KCNK13: variants seen among roughly 807,000 people sequenced by gnomAD.
The protein encoded by KCNK13 is potassium two pore domain channel subfamily K member 13.
In KCNK13, 12 loss-of-function variants were observed where a neutral mutation model predicts 23.4. The ratio of observed to expected loss-of-function variants is 0.51; its 90% CI spans 0.33 to 0.83. The LOEUF is 0.83. KCNK13 is among the 40% of genes least tolerant of loss of function. The pLI, the probability that KCNK13 is intolerant of heterozygous loss-of-function variation, is 0.02. For synonymous variants in KCNK13, 231 were observed against 229.5 expected, an observed-to-expected ratio of 1.01 and a Z score of -0.06; for missense variants, 463 against 556.3, an observed-to-expected ratio of 0.83 and a Z score of 1.69.
intron 1 of KCNK13, among the ~76,000 whole-genome samples, chr14:90,106,275 T>TA (rs1432552085): frequency 1.3e-5 from 2 of 152,094 alleles, no homozygotes; most frequent in Non-Finnish European, 2.9e-5. Flanking sequence ...CACATACTAA[T>TA]ATGCAAAATA....
intron 1 of KCNK13, among the ~76,000 whole-genome samples, chr14:90,085,751 A>G (rs186332266): frequency 0.013 from 1,675 of 133,062 alleles, 23 homozygotes; most frequent in Middle Eastern, 0.034. Context: ...ATATAATTAT[A>G]TATTATATAT....
intron 1 of KCNK13, among the ~76,000 whole-genome samples, chr14:90,166,705 CAA>C (rs11406494): frequency 3.1e-4 from 34 of 110,756 alleles, no homozygotes; most frequent in East Asian, 1.2e-3. Context: ...GACTCTGTCT[CAA>C]AAAAAAAAAA....
In KCNK13 at chr14:90,062,281, C is replaced by A. The variant is rs774968932; in HGVS notation, c.76C>A (p.Leu26Ile). Residue 26 changes from leucine (L) to isoleucine (I), a missense_variant, in exon 1 of 2, where the codon CTC becomes ATC. Physicochemically the swap from Leu to Ile is conservative, Grantham distance 5. Around this residue, in one of 3 missense-constraint regions of KCNK13, gnomAD observed 153 missense variants for 153.6 expected, o/e 1.00. Transcript: ENST00000282146. The surrounding 1 kb of genome is among the most constrained non-coding windows in gnomAD (Gnocchi z 4.5). ...CGCGCGCTTTCTGCTGCTGGCCGCG[C>A]TCATCGTGCTCTACCTGCTGGGCGG... The part of the protein sequence containing the change: ...DNARFLLLAA[L>I]IVLYLLGGAA... 1 of 1,561,608 alleles carries A rather than the reference C, an allele frequency of 6.4e-7. No homozygotes were observed. Among genetic ancestry groups the A allele is most frequent in the Non-Finnish European group, 8.6e-7 (1 of 1,163,192 alleles).
At chr14:90,142,485 AT>A (rs950958674) in intron 1 of KCNK13, among the ~76,000 whole-genome samples, 3 of 150,560 alleles carry the variant, frequency 2.0e-5, no homozygotes, top group African/African-American at 4.9e-5. Context: ...TGCCCAGCTA[AT>A]TTTTTTTATT....
At chr14:90,137,366 G>A (rs930946819) in intron 1 of KCNK13, among the ~76,000 whole-genome samples, 3 of 151,856 alleles carry the variant, frequency 2.0e-5, no homozygotes, top group Non-Finnish European at 2.9e-5. Flanking sequence ...TGTCGCCCAG[G>A]CTGGAGAGCA....
chr14:90,144,664 T>G (rs111362857), intron 1 of KCNK13, among the ~76,000 whole-genome samples: 9,868 of 151,896 alleles, frequency 0.065, 417 homozygotes, highest in South Asian at 0.21. Context: ...TCTCCATGTT[T>G]GCCTGGCTGG....
At chr14:90,077,010 G>A (rs1023535058) in intron 1 of KCNK13, among the ~76,000 whole-genome samples, 5 of 151,012 alleles carry the variant, frequency 3.3e-5, no homozygotes, top group African/African-American at 4.9e-5. Context: ...TAGTAGAGAC[G>A]GGGTTTCACC....
At chr14:90,091,461 A>G (rs1889342621) in intron 1 of KCNK13, among the ~76,000 whole-genome samples, 1 of 152,242 alleles carries the variant, frequency 6.6e-6, no homozygotes, top group African/African-American at 2.4e-5. Context: ...GTCATTAAAA[A>G]TGTATCAAGT....
intron 1 of KCNK13, among the ~76,000 whole-genome samples, chr14:90,083,416 G>A (rs375709006): frequency 4.6e-5 from 7 of 152,264 alleles, no homozygotes; most frequent in African/African-American, 1.7e-4. Context: ...CTTACATTCA[G>A]GTTGTTGATC....
intron 1 of KCNK13, among the ~76,000 whole-genome samples, chr14:90,134,827 A>G (rs184460323): frequency 6.6e-6 from 1 of 152,374 alleles, no homozygotes; most frequent in African/African-American, 2.4e-5. Context: ...ATTATGGTGA[A>G]TAATAAATAT....
intron 1 of KCNK13, among the ~76,000 whole-genome samples, chr14:90,178,422 G>T (rs1191756672): frequency 6.6e-6 from 1 of 151,976 alleles, no homozygotes; most frequent in Non-Finnish European, 1.5e-5. Flanking sequence ...CTCCGGAGTA[G>T]CTGGGATTAC....
At chr14:90,124,005 C>G (rs1450687845) in intron 1 of KCNK13, among the ~76,000 whole-genome samples, 1 of 152,164 alleles carries the variant, frequency 6.6e-6, no homozygotes, top group Admixed American at 6.5e-5. Flanking sequence ...CTTGCTGATT[C>G]TAATATGTAC....
chr14:90,142,766 C>T (rs956401702), intron 1 of KCNK13, among the ~76,000 whole-genome samples: 11 of 152,318 alleles, frequency 7.2e-5, no homozygotes, highest in East Asian at 1.9e-4. Flanking sequence ...TGACAAAAGA[C>T]GGATTAAACA....
intron 1 of KCNK13, among the ~76,000 whole-genome samples, chr14:90,125,890 G>A (rs1297568874): frequency 6.6e-6 from 1 of 151,902 alleles, no homozygotes; most frequent in African/African-American, 2.4e-5. Context: ...TGGGCGTGGT[G>A]GAATGCACCT....
At chr14:90,083,782 C>T (rs748582429) in intron 1 of KCNK13, among the ~76,000 whole-genome samples, 4 of 152,192 alleles carry the variant, frequency 2.6e-5, no homozygotes, top group East Asian at 1.9e-4. Context: ...GCCCAGTCTG[C>T]GGTATTTTGT....
chr14:90,164,930 T>C (rs1209293753), intron 1 of KCNK13, among the ~76,000 whole-genome samples: 1 of 152,204 alleles, frequency 6.6e-6, no homozygotes, highest in Non-Finnish European at 1.5e-5. Context: ...TTTCACACTG[T>C]TCATTTCGCA....
intron 1 of KCNK13, among the ~76,000 whole-genome samples, chr14:90,113,792 G>A (rs1362434724): frequency 1.3e-5 from 2 of 152,084 alleles, no homozygotes; most frequent in Non-Finnish European, 2.9e-5. Flanking sequence ...AATTAGCCGA[G>A]CATGGTGGCA....
At chr14:90,130,920 C>T (rs902775215) in intron 1 of KCNK13, among the ~76,000 whole-genome samples, 1 of 152,190 alleles carries the variant, frequency 6.6e-6, no homozygotes, top group African/African-American at 2.4e-5. Context: ...ACCGTATCAG[C>T]TTTCGTCAGC....
At chr14:90,087,152 A>T (rs71415436) in intron 1 of KCNK13, among the ~76,000 whole-genome samples, 32,407 of 92,614 alleles carry the variant, frequency 0.35, 4,599 homozygotes, top group Non-Finnish European at 0.4. Context: ...ATATATATAT[A>T]TATTTTTTTT....
Sources: allele counts gnomAD v4.1 joint callset (sites outside exome capture counted in the v4.1 genomes callset), GRCh38; gene constraint gnomAD v4.1.1; regional missense constraint gnomAD v4.1.1; non-coding constraint Gnocchi (gnomAD v3.1); transcripts MANE v1.5; gene names NCBI Gene and HGNC (gene_info 2026-07-23, HGNC 2026-07-21).